The following ACOXL variants were observed in gnomAD, a reference collection of about 807,000 sequenced individuals.
The protein encoded by ACOXL is acyl-CoA oxidase like.
ACOXL carries 70 observed loss-of-function variants against 71.9 expected under a neutral mutation model. The observed-to-expected ratio is 0.97, with a 90% confidence interval of 0.80 to 1.19. The LOEUF is 1.19. Among genes scored for constraint, ACOXL ranks in the 50% most tolerant of loss-of-function variants. ACOXL has a pLI of 0.00. For missense variants in ACOXL, 703 were observed against 736.3 expected (o/e 0.95, Z 0.52); for synonymous variants, 253 against 281.6 (o/e 0.90, Z 1.02).
intron 15 of ACOXL, among the ~76,000 whole-genome samples, chr2:111,033,144 T>A (rs1214470391): frequency 1.3e-5 from 2 of 152,184 alleles, no homozygotes; most frequent in East Asian, 3.9e-4. Context: ...TTGGCCTTCC[T>A]GATTCTGACT....
chr2:110,958,278 A>G (rs1050472198), intron 12 of ACOXL, among the ~76,000 whole-genome samples: 1 of 152,182 alleles, frequency 6.6e-6, no homozygotes, highest in African/African-American at 2.4e-5. Flanking sequence ...CCCAACAGAG[A>G]CATAAGGGGT....
chr2:111,006,750 G>A (rs7606298), intron 14 of ACOXL, among the ~76,000 whole-genome samples: 55,318 of 151,796 alleles, frequency 0.36, 10,803 homozygotes, highest in African/African-American at 0.5. Flanking sequence ...GTAGAGATGG[G>A]ATTTCGCCAT....
At chr2:110,776,602 C>T (rs1682683227) in intron 2 of ACOXL, among the ~76,000 whole-genome samples, 1 of 151,726 alleles carries the variant, frequency 6.6e-6, no homozygotes, top group Non-Finnish European at 1.5e-5. Flanking sequence ...TCATGAAGGG[C>T]CTAAGGTGGG....
At chr2:110,743,987 T>A (rs1036838276) in intron 1 of ACOXL, among the ~76,000 whole-genome samples, 6 of 152,156 alleles carry the variant, frequency 3.9e-5, no homozygotes, top group African/African-American at 1.2e-4. Context: ...ACAATTGGGG[T>A]GCTGCCTCTG....
chr2:110,751,793 A>T (rs1679000474), intron 1 of ACOXL, among the ~76,000 whole-genome samples: 1 of 152,116 alleles, frequency 6.6e-6, no homozygotes, highest in Admixed American at 6.6e-5. Flanking sequence ...AGTATTGGTT[A>T]GTTTTGTCTG....
intron 10 of ACOXL, among the ~76,000 whole-genome samples, chr2:110,862,976 A>G (rs1053373787): frequency 4.6e-5 from 7 of 152,110 alleles, no homozygotes; most frequent in African/African-American, 1.7e-4. Flanking sequence ...TTTTTCTTAT[A>G]CCTTGCCTGC....
intron 16 of ACOXL, among the ~76,000 whole-genome samples, chr2:111,081,937 C>T (rs1374893714): frequency 1.3e-5 from 2 of 152,054 alleles, no homozygotes. Context: ...ATTCCATATT[C>T]AATAAATTGT....
At chr2:110,924,554 T>G (rs1222395507) in intron 11 of ACOXL, among the ~76,000 whole-genome samples, 2 of 152,190 alleles carry the variant, frequency 1.3e-5, no homozygotes, top group Non-Finnish European at 2.9e-5. Flanking sequence ...AGAAACCACT[T>G]TCTTTGCTCC....
intron 14 of ACOXL, among the ~76,000 whole-genome samples, chr2:111,031,335 G>C (rs1327444966): frequency 6.6e-6 from 1 of 152,206 alleles, no homozygotes; most frequent in Non-Finnish European, 1.5e-5. Flanking sequence ...AATCAGAACA[G>C]CCTCACTTGA....
At chr2:110,876,178 G>GAA (rs970536165) in intron 10 of ACOXL, among the ~76,000 whole-genome samples, 1 of 152,212 alleles carries the variant, frequency 6.6e-6, no homozygotes, top group African/African-American at 2.4e-5. Context: ...TCTAGAACTT[G>GAA]AAAGCCATCT....
chr2:110,808,219 T>G (rs1297330973), intron 9 of ACOXL, among the ~76,000 whole-genome samples: 1 of 151,924 alleles, frequency 6.6e-6, no homozygotes, highest in Non-Finnish European at 1.5e-5. Flanking sequence ...CCTGAAAGAG[T>G]GAGAAGTGTA....
intron 5 of ACOXL, among the ~76,000 whole-genome samples, chr2:110,797,205 G>A (rs1685388266): frequency 6.6e-6 from 1 of 152,172 alleles, no homozygotes; most frequent in African/African-American, 2.4e-5. Context: ...AGAAGACGGA[G>A]TTTTGAGCCG....
chr2:111,034,423 G>A (rs576873802), intron 15 of ACOXL, among the ~76,000 whole-genome samples: 8 of 152,212 alleles, frequency 5.3e-5, no homozygotes, highest in South Asian at 4.2e-4. Context: ...CTTCACACCC[G>A]GAGAAAATAT....
At chr2:110,978,615 T>G (rs563698010) in intron 12 of ACOXL, among the ~76,000 whole-genome samples, 1 of 152,324 alleles carries the variant, frequency 6.6e-6, no homozygotes, top group South Asian at 2.1e-4. Context: ...CTTATTGGTT[T>G]TGTAGTTTTG....
At chr2:111,103,961 C>T (rs1326801490) in intron 17 of ACOXL, among the ~76,000 whole-genome samples, 2 of 152,182 alleles carry the variant, frequency 1.3e-5, no homozygotes, top group African/African-American at 2.4e-5. Context: ...CTTGTGGCTC[C>T]TATAGCCACA....
At position 110,784,825 on chromosome 2, in the gene ACOXL, G is replaced by T; in HGVS notation, c.159+10G>T. Reference sequence around the variant, plus strand: ...GGCCACAGGAGTGAAGGTGAGAGGCGCCGGGCACCTGCCCTTCATGAATGC... The same window carrying T: ...GGCCACAGGAGTGAAGGTGAGAGGCTCCGGGCACCTGCCCTTCATGAATGC... On this transcript the variant is annotated intron_variant, in intron 3 of 17. Transcript: ENST00000439055. The T allele has an allele frequency of 6.3e-7, 1 of 1,591,782 alleles. No homozygotes were observed. Among genetic ancestry groups the T allele is most frequent in the Non-Finnish European group, 8.5e-7 (1 of 1,172,612 alleles).
chr2:110,820,472 G>A (rs1447162757), intron 9 of ACOXL, among the ~76,000 whole-genome samples: 3 of 151,956 alleles, frequency 2.0e-5, no homozygotes, highest in African/African-American at 7.3e-5. Context: ...TTTCAAGCAG[G>A]TGCAAGAAAG....
At chr2:110,801,750 T>G (rs1413394370) in intron 8 of ACOXL, 26 bp downstream of exon 8, 1 of 1,602,530 alleles carries the variant, frequency 6.2e-7, no homozygotes, top group Non-Finnish European at 8.6e-7. Flanking sequence ...TTAACTCAGG[T>G]CAATGGTGCA....
At chr2:111,102,459 T>C (rs1165603052) in intron 17 of ACOXL, among the ~76,000 whole-genome samples, 3 of 152,228 alleles carry the variant, frequency 2.0e-5, no homozygotes, top group Non-Finnish European at 2.9e-5. Context: ...CAAATTGTTT[T>C]GCTGAGCTCC....
Sources: gnomAD v4.1 joint callset for allele counts (sites outside exome capture counted in the v4.1 genomes callset) on GRCh38, gnomAD v4.1.1 for gene constraint, MANE v1.5 for transcripts, NCBI Gene and HGNC (gene_info 2026-07-23, HGNC 2026-07-21) for gene names.